The following DSCAM variants were observed in gnomAD, a reference collection of about 807,000 sequenced individuals.
DSCAM encodes cell adhesion molecule DSCAM.
DSCAM carries 47 observed loss-of-function variants against 217.7 expected under a neutral mutation model. The observed-to-expected ratio is 0.22, with a 90% CI of 0.17 to 0.28. DSCAM has a LOEUF of 0.28. DSCAM is among the 10% of genes least tolerant of loss of function. The pLI is 1.00. For missense variants in DSCAM, 2,080 were observed against 2,618.3 expected (o/e 0.79, Z 4.49); for synonymous variants, 1,056 against 1,015.3 (o/e 1.04, Z -0.76).
intron 11 of DSCAM, among the ~76,000 whole-genome samples, chr21:40,266,670 T>TATATATATATATATATATATATATAA (rs201198571): frequency 3.3e-5 from 4 of 120,692 alleles, no homozygotes; most frequent in African/African-American, 1.6e-4. Flanking sequence ...TATATATATA[T>TATATATATATATATATATATATATAA]AATCTTGAAA....
At position 40,167,250 on chromosome 21, in the gene DSCAM, T is replaced by C; in HGVS notation, c.2986A>G (p.Ile996Val). The C allele has an allele frequency of 1.9e-6, 3 of 1,613,734 alleles. No homozygotes were observed. The highest frequency in any genetic ancestry group is 2.2e-5 in the East Asian group (1 of 44,830). ...GPPQEVHLEP[I>V]SSQSIRVTWK... is the part of the protein sequence containing the mutation. ...GTGACCCTGATGCTCTGAGATGATA[T>C]AGGCTCCAGGTGAACTTCCTGAGGT... The change falls in exon 16 of 33, where the codon ATA becomes GTA. Residue 996 changes from isoleucine to valine, a missense_variant. Ile to Val is a conservative substitution (Grantham distance 29). This residue lies in a region of DSCAM where 1,144 missense variants were observed against 1,421.1 expected (regional missense o/e 0.81). Coordinates refer to ENST00000400454, the MANE Select transcript of DSCAM (RefSeq NM_001389.5).
At chr21:40,456,282 T>TA (rs1458845870) in intron 3 of DSCAM, among the ~76,000 whole-genome samples, 1 of 151,808 alleles carries the variant, frequency 6.6e-6, no homozygotes, top group Non-Finnish European at 1.5e-5. Flanking sequence ...AGATAAATTA[T>TA]AATTAGAAAA....
At chr21:40,114,394 C>A (rs2089940812) in intron 20 of DSCAM, among the ~76,000 whole-genome samples, 2 of 151,268 alleles carry the variant, frequency 1.3e-5, no homozygotes, top group African/African-American at 2.4e-5. Context: ...CTTCCTTACA[C>A]CTTATACAAA....
intron 3 of DSCAM, among the ~76,000 whole-genome samples, chr21:40,536,776 G>A (rs1035637554): frequency 3.9e-5 from 6 of 152,142 alleles, no homozygotes; most frequent in Admixed American, 1.3e-4. Context: ...TAATATAACG[G>A]CTGACACAGA....
At chr21:40,586,863 G>A (rs534905408) in intron 3 of DSCAM, among the ~76,000 whole-genome samples, 2 of 152,214 alleles carry the variant, frequency 1.3e-5, no homozygotes, top group East Asian at 3.9e-4. Context: ...CATATAATTA[G>A]ACAACAGAAG....
At chr21:40,729,082 G>C (rs1207843287) in intron 1 of DSCAM, among the ~76,000 whole-genome samples, 1 of 152,162 alleles carries the variant, frequency 6.6e-6, no homozygotes, top group East Asian at 1.9e-4. Context: ...TCTGTTCTTG[G>C]CATGATTAAA....
chr21:40,780,753 T>C (rs1348013523), intron 1 of DSCAM, among the ~76,000 whole-genome samples: 1 of 151,502 alleles, frequency 6.6e-6, no homozygotes, highest in Non-Finnish European at 1.5e-5. Context: ...CTCAGGAGAG[T>C]CCAGCTTCGC....
intron 32 of DSCAM, among the ~76,000 whole-genome samples, chr21:40,037,031 C>G (rs1385763259): frequency 6.7e-6 from 1 of 150,142 alleles, no homozygotes; most frequent in Admixed American, 6.6e-5. Flanking sequence ...ATAATAAGAG[C>G]TATCTATGAC....
intron 3 of DSCAM, among the ~76,000 whole-genome samples, chr21:40,374,717 T>C (rs919462740): frequency 6.6e-6 from 1 of 152,202 alleles, no homozygotes; most frequent in Non-Finnish European, 1.5e-5. Context: ...GGGAAGTAAT[T>C]AGGTATAGGT....
chr21:40,538,775 G>A (rs1401941182), intron 3 of DSCAM, among the ~76,000 whole-genome samples: 4 of 152,106 alleles, frequency 2.6e-5, no homozygotes, highest in African/African-American at 9.7e-5. Context: ...ATGAGACTGG[G>A]GAACATGGAG....
chr21:40,429,001 A>C lies in DSCAM; in HGVS notation c.509-59756T>G, dbSNP rs1028376727. Among the ~76,000 whole-genome samples, 343 of 152,256 alleles carry C rather than the reference A, an allele frequency of 2.3e-3. 2 individuals carry two copies. Among genetic ancestry groups the C allele is most frequent in the African/African-American group, 7.9e-3 (328 of 41,558 alleles). On this transcript the variant is annotated intron_variant, in intron 3 of 32. Coordinates refer to ENST00000400454, the MANE Select transcript of DSCAM (RefSeq NM_001389.5). ...CACTTTTGACAGCCCCCACATGGCT[A>C]CTGAGTACATACTGTATAGGAGGCT...
intron 32 of DSCAM, among the ~76,000 whole-genome samples, chr21:40,023,086 T>C (rs534041323): frequency 1.4e-5 from 2 of 143,678 alleles, no homozygotes; most frequent in African/African-American, 2.6e-5. Flanking sequence ...TGTGATCTCA[T>C]TGTTCAATTC....
chr21:40,564,964 G>C (rs1266715859), intron 3 of DSCAM, among the ~76,000 whole-genome samples: 1 of 152,176 alleles, frequency 6.6e-6, no homozygotes, highest in Non-Finnish European at 1.5e-5. Context: ...GCCCAGGTGG[G>C]ATGGGCAGAG....
At chr21:40,157,277 T>C (rs2090488599) in intron 16 of DSCAM, among the ~76,000 whole-genome samples, 1 of 152,126 alleles carries the variant, frequency 6.6e-6, no homozygotes, top group Non-Finnish European at 1.5e-5. Context: ...CCTACAAAGC[T>C]GAAAATATCT....
chr21:40,573,210 T>C (rs993415488), intron 3 of DSCAM, among the ~76,000 whole-genome samples: 1 of 151,940 alleles, frequency 6.6e-6, no homozygotes, highest in Non-Finnish European at 1.5e-5. Flanking sequence ...CGGTGGCGGG[T>C]GACTGTAGTC....
At chr21:40,648,281 A>ACT (rs1021204317) in intron 3 of DSCAM, among the ~76,000 whole-genome samples, 3 of 143,464 alleles carry the variant, frequency 2.1e-5, no homozygotes, top group Non-Finnish European at 3.1e-5. Context: ...ACACACACAC[A>ACT]CTCACACACT....
At chr21:40,461,373 C>T (rs1406352136) in intron 3 of DSCAM, among the ~76,000 whole-genome samples, 1 of 152,122 alleles carries the variant, frequency 6.6e-6, no homozygotes, top group African/African-American at 2.4e-5. Context: ...GGACCTGGCA[C>T]ACATACATAT....
intron 11 of DSCAM, among the ~76,000 whole-genome samples, chr21:40,205,021 G>A (rs4818120): frequency 0.52 from 78,751 of 152,144 alleles, 20,983 homozygotes; most frequent in African/African-American, 0.65. Flanking sequence ...ACATCTTTAA[G>A]AAGGGGGAAA....
chr21:40,670,586 T>C (rs1280368884), intron 3 of DSCAM, among the ~76,000 whole-genome samples: 2 of 151,406 alleles, frequency 1.3e-5, no homozygotes, highest in African/African-American at 2.4e-5. Context: ...AGTGGAATCA[T>C]ATAGTATTTG....
Sources: allele counts gnomAD v4.1 joint callset (sites outside exome capture counted in the v4.1 genomes callset), GRCh38; gene constraint gnomAD v4.1.1; regional missense constraint gnomAD v4.1.1; transcripts MANE v1.5; gene names NCBI Gene and HGNC (gene_info 2026-07-23, HGNC 2026-07-21).